The following EIF4E3 variants were observed in gnomAD, a reference collection of about 807,000 sequenced individuals.
EIF4E3 encodes the protein eukaryotic translation initiation factor 4E family member 3.
Under a neutral mutation model 31.7 loss-of-function variants are expected in EIF4E3, and 26 were observed. That is an observed-to-expected ratio of 0.82 (90% CI 0.60 to 1.14). The LOEUF (loss-of-function observed/expected upper bound fraction) is 1.14. Ranked by LOEUF, EIF4E3 falls within the 50% of genes most tolerant of loss-of-function variation. EIF4E3 has a pLI of 0.00. For synonymous variants in EIF4E3, 128 were observed against 107.7 expected, an observed-to-expected ratio of 1.19 and a Z score of -1.17; for missense variants, 304 against 270.9, an observed-to-expected ratio of 1.12 and a Z score of -0.86.
intron 2 of EIF4E3, among the ~76,000 whole-genome samples, chr3:71,702,342 C>T (rs373530367): frequency 1.3e-5 from 2 of 152,264 alleles, no homozygotes; most frequent in African/African-American, 4.8e-5. Context: ...ACTAAGAGGA[C>T]TTTGGTGCTG....
chr3:71,728,921 A>G (rs1042944492), upstream of EIF4E3, among the ~76,000 whole-genome samples: 1 of 152,272 alleles, frequency 6.6e-6, no homozygotes, highest in African/African-American at 2.4e-5. Flanking sequence ...ACAGCTATTC[A>G]GACACACAGC....
rs1475944511 is a variant in EIF4E3, at chr3:71,681,641, G to A, written c.*3041C>T. The A allele has an allele frequency of 1.3e-5, 2 of 152,162 alleles. No individual in the cohort carries two copies. Among genetic ancestry groups the A allele is most frequent in the Admixed American group, 6.6e-5 (1 of 15,262 alleles). 9.4% of individuals were successfully genotyped at this position (152,162 alleles called of 1,614,324 possible). ...CTCTCCATTTAAGGACGCCTGCACCGGGATACAACTTGCCGACTTCAATAC... is the reference window on the plus strand; with the variant it reads ...CTCTCCATTTAAGGACGCCTGCACCAGGATACAACTTGCCGACTTCAATAC... On this transcript the variant is annotated 3_prime_UTR_variant, in exon 7 of 7. Coordinates refer to ENST00000425534, the MANE Select transcript of EIF4E3 (RefSeq NM_001134651.2).
At chr3:71,753,090 T>C (rs2049951080) in intron 1 of EIF4E3, among the ~76,000 whole-genome samples, 1 of 151,978 alleles carries the variant, frequency 6.6e-6, no homozygotes, top group African/African-American at 2.4e-5. Flanking sequence ...GCACTGGAAA[T>C]CAGACCAAGC....
Position 71,680,901 on chromosome 3 carries a change from C to G in EIF4E3, c.*3781G>C, listed in dbSNP as rs548171916. The stretch of plus-strand genomic sequence containing the variant: ...TTCACTTGTAATGAGTAAAATCTCA[C>G]AGAAACATACAATGTAGGAAAGGTG... On this transcript the variant is annotated 3_prime_UTR_variant, in exon 7 of 7. Transcript: ENST00000425534. The G allele has an allele frequency of 1.4e-4, 21 of 152,240 alleles. No individual in the cohort carries two copies. The highest frequency in any genetic ancestry group is 2.9e-4 in the Non-Finnish European group (20 of 68,028). The allele number at this position is 152,240 out of a possible 1,614,324, so 9.4% of individuals were successfully genotyped here. A position where few individuals can be genotyped will look rare whatever the true frequency, so the allele number is the denominator to read the frequency against.
chr3:71,731,218 GA>G (rs1354436493), intron 1 of EIF4E3, among the ~76,000 whole-genome samples: 2 of 152,060 alleles, frequency 1.3e-5, no homozygotes, highest in Non-Finnish European at 2.9e-5. Flanking sequence ...CCTGCTCTCA[GA>G]AAAAAACCCA....
intron 1 of EIF4E3, among the ~76,000 whole-genome samples, chr3:71,752,595 A>T (rs550374242): frequency 2.8e-4 from 43 of 152,228 alleles, no homozygotes; most frequent in African/African-American, 8.9e-4. Flanking sequence ...TGCGTTGCTT[A>T]ATTCTGGCTT....
upstream of EIF4E3, chr3:71,754,261 G>A (rs1578399659): frequency 8.1e-7 from 1 of 1,238,342 alleles, no homozygotes; most frequent in Non-Finnish European, 1.0e-6. The surrounding 1 kb of genome is among the most constrained non-coding windows in gnomAD (Gnocchi z 5.8). Flanking sequence ...GCGCTCGCCT[G>A]CCTCCCGGCC....
chr3:71,732,887 A>G (rs2049721453), intron 1 of EIF4E3, among the ~76,000 whole-genome samples: 1 of 152,250 alleles, frequency 6.6e-6, no homozygotes, highest in Non-Finnish European at 1.5e-5. Flanking sequence ...CAATTAAAAA[A>G]TGAGTGTGCC....
chr3:71,685,717 C>T (rs1006622563), intron 6 of EIF4E3, among the ~76,000 whole-genome samples: 10 of 152,182 alleles, frequency 6.6e-5, no homozygotes, highest in African/African-American at 1.7e-4. Context: ...AAACACTTAA[C>T]GTTTTTTAAA....
intron 1 of EIF4E3, among the ~76,000 whole-genome samples, chr3:71,735,571 G>GT (rs1311339906): frequency 3.3e-5 from 5 of 152,184 alleles, no homozygotes; most frequent in African/African-American, 1.2e-4. Context: ...TGAATCCACA[G>GT]ATTCCTAACA....
At chr3:71,710,333 C>T (rs2049357169) in intron 2 of EIF4E3, 79 bp downstream of exon 2, 3 of 1,479,670 alleles carry the variant, frequency 2.0e-6, no homozygotes, top group Non-Finnish European at 2.8e-6. Flanking sequence ...GCTGCCAGCA[C>T]AGCAACAGAT....
chr3:71,683,813 C>A lies in EIF4E3; in HGVS notation c.*869G>T, dbSNP rs1036452403. 2 of 152,158 alleles carry A rather than the reference C, an allele frequency of 1.3e-5. No individual in the cohort carries two copies. Among genetic ancestry groups the A allele is most frequent in the Non-Finnish European group, 2.9e-5 (2 of 68,020 alleles). The allele number at this position is 152,158 out of a possible 1,614,324, so 9.4% of individuals were successfully genotyped here. A position where few individuals can be genotyped will look rare whatever the true frequency, so the allele number is the denominator to read the frequency against. On this transcript the variant is annotated 3_prime_UTR_variant, in exon 7 of 7. Transcript: ENST00000425534. ...AGTGGGTAAACACACCCGAACTTTG[C>A]AAGGAGCTTAATTCAAACAATTAAA...
chr3:71,709,963 C>T (rs1172288529), intron 2 of EIF4E3, among the ~76,000 whole-genome samples: 7 of 152,116 alleles, frequency 4.6e-5, no homozygotes, highest in Admixed American at 4.6e-4. Context: ...TCTCCACCTT[C>T]ACGCTCCACA....
chr3:71,697,874 T>C (rs1411851448), intron 3 of EIF4E3, among the ~76,000 whole-genome samples: 3 of 152,232 alleles, frequency 2.0e-5, no homozygotes, highest in African/African-American at 4.8e-5. Flanking sequence ...ACAATAAACA[T>C]GGAAGTGTAG....
chr3:71,690,130 C>T lies in EIF4E3; in HGVS notation c.508G>A (p.Asp170Asn). 6.2e-7 allele frequency: 1 copy of T among 1,613,368 alleles called. No homozygotes were observed. Among genetic ancestry groups the T allele is most frequent in the South Asian group, 1.1e-5 (1 of 91,024 alleles). Residue 170 changes from aspartate to asparagine, a missense_variant, in exon 6 of 7, where the codon GAC becomes AAC. Transcript: ENST00000425534. ...CAGACTTGGACGACGTCTTCTCGGT[C>T]CCGAACACTGACACTAACTCCTATT... ...EVIGVSVSVR[D>N]REDVVQVWNV...
At chr3:71,684,835 C>T in intron 6 of EIF4E3, 107 bp from the exon 7 acceptor site, 2 of 1,128,344 alleles carry the variant, frequency 1.8e-6, no homozygotes, top group Non-Finnish European at 2.5e-6. Context: ...CAAATGTTGG[C>T]AAGAACTCAA....
intron 1 of EIF4E3, among the ~76,000 whole-genome samples, chr3:71,732,045 AC>A (rs2049712162): frequency 6.6e-6 from 1 of 152,188 alleles, no homozygotes; most frequent in African/African-American, 2.4e-5. Context: ...CTCTGCCACA[AC>A]ATGAGCTCCC....
chr3:71,754,580 C>T (rs1369490040), upstream of EIF4E3: 3 of 1,405,548 alleles, frequency 2.1e-6, no homozygotes, highest in Non-Finnish European at 2.8e-6. The surrounding 1 kb of genome is among the most constrained non-coding windows in gnomAD (Gnocchi z 5.8). Flanking sequence ...AGCAGCGGCC[C>T]GACGGCGCCC....
chr3:71,684,761 A>G (rs1417955453), intron 6 of EIF4E3, 33 bp from the exon 7 acceptor site: 1 of 1,610,178 alleles, frequency 6.2e-7, no homozygotes, highest in East Asian at 2.2e-5. Flanking sequence ...AAAAGAAAAA[A>G]AGGAAAGAAA....
Sources: allele counts gnomAD v4.1 joint callset (sites outside exome capture counted in the v4.1 genomes callset), GRCh38; gene constraint gnomAD v4.1.1; non-coding constraint Gnocchi (gnomAD v3.1); transcripts MANE v1.5; gene names NCBI Gene and HGNC (gene_info 2026-07-23, HGNC 2026-07-21).